The following RP2 variants were observed in gnomAD, a reference collection of about 807,000 sequenced individuals.
RP2 encodes protein XRP2.
In RP2, 3 loss-of-function variants were observed where a neutral mutation model predicts 20.3. The observed-to-expected ratio is 0.15, with a 90% CI of 0.07 to 0.38. The LOEUF (loss-of-function observed/expected upper bound fraction) is 0.38, where lower values mean the gene tolerates loss of function less well. RP2 is among the 10% of genes least tolerant of loss of function. The pLI, the probability that RP2 is intolerant of heterozygous loss-of-function variation, is 1.00. For synonymous variants in RP2, 75 were observed against 94.8 expected, an observed-to-expected ratio of 0.79 and a Z score of 1.22; for missense variants, 233 against 268.5, an observed-to-expected ratio of 0.87 and a Z score of 0.92.
At chrX:46,839,434 C>A (rs1924573659) in intron 1 of RP2, among the ~76,000 whole-genome samples, 1 of 110,268 alleles carries the variant, frequency 9.1e-6, no homozygotes, top group African/African-American at 3.3e-5. Flanking sequence ...CACCTGTAGT[C>A]CCAGCTACTC....
intron 1 of RP2, among the ~76,000 whole-genome samples, chrX:46,846,329 T>A (rs1179900220): frequency 1.8e-5 from 2 of 111,667 alleles, no homozygotes; most frequent in Non-Finnish European, 3.8e-5. Context: ...GGCTCACACC[T>A]GTAATCACAG....
chrX:46,862,144 C>T (rs782707577), intron 3 of RP2, among the ~76,000 whole-genome samples: 14 of 111,536 alleles, frequency 1.3e-4, no homozygotes, highest in Admixed American at 5.7e-4. Flanking sequence ...GAGGCTGAGG[C>T]GGGTAGATCA....
chrX:46,840,038 C>T (rs1227623942), intron 1 of RP2, among the ~76,000 whole-genome samples: 1 of 111,980 alleles, frequency 8.9e-6, no homozygotes, highest in African/African-American at 3.2e-5. Context: ...AATGCAGTGG[C>T]GCGATCTCGG....
In RP2 at chrX:46,879,902, T is replaced by C. The variant is rs1169072596; in HGVS notation, c.*133T>C. 2.5e-6 allele frequency: 1 copy of C among 399,292 alleles called. No homozygotes were observed. Among genetic ancestry groups the C allele is most frequent in the Non-Finnish European group, 4.4e-6 (1 of 227,677 alleles). The allele number at this position is 399,292 out of a possible 1,213,427, so 32.9% of individuals were successfully genotyped here. On this transcript the variant is annotated 3_prime_UTR_variant, in exon 5 of 5. Coordinates refer to ENST00000218340, the MANE Select transcript of RP2 (RefSeq NM_006915.3). ...CTTTTAAAGTTTATTTTTTAATAAA[T>C]TGTTGAGTATTACATCATTTACTTG...
chrX:46,876,191 C>T (rs1925372023), intron 3 of RP2, among the ~76,000 whole-genome samples: 1 of 110,436 alleles, frequency 9.1e-6, no homozygotes, highest in Non-Finnish European at 1.9e-5. Context: ...TTGATCATGG[C>T]TTGCTATAAC....
rs1925457566 is a variant in RP2, at chrX:46,880,897, T to A, written c.*1128T>A. On this transcript the variant is annotated 3_prime_UTR_variant, in exon 5 of 5. Coordinates refer to ENST00000218340, the MANE Select transcript of RP2 (RefSeq NM_006915.3). ...CTCTGTTTTAAGGGGTATGTTGTAA[T>A]CTAAAGTAATTGGTTCAGGAGGTGT... 9.0e-6 allele frequency: 1 copy of A among 111,598 alleles called. No individual in the cohort carries two copies. Among genetic ancestry groups the A allele is most frequent in the Admixed American group, 9.6e-5 (1 of 10,434 alleles). 9.2% of individuals were successfully genotyped at this position (111,598 alleles called of 1,213,427 possible).
chrX:46,847,562 A>G (rs1489517908), intron 1 of RP2, among the ~76,000 whole-genome samples: 1 of 106,491 alleles, frequency 9.4e-6, no homozygotes, highest in Non-Finnish European at 1.9e-5. Flanking sequence ...CACCATATAT[A>G]TGTGTGTATA....
intron 1 of RP2, among the ~76,000 whole-genome samples, chrX:46,850,851 T>C (rs1230734293): frequency 8.9e-6 from 1 of 112,078 alleles, no homozygotes; most frequent in Non-Finnish European, 1.9e-5. Context: ...GCTGGTCCTA[T>C]TCATTTTAGT....
At chrX:46,847,353 A>G (rs1304303585) in intron 1 of RP2, among the ~76,000 whole-genome samples, 7 of 110,812 alleles carry the variant, frequency 6.3e-5, no homozygotes, top group Non-Finnish European at 1.3e-4. Context: ...TTGAAGAGCA[A>G]ACATTTTCAA....
intron 1 of RP2, among the ~76,000 whole-genome samples, chrX:46,847,929 C>CATATATATATAT (rs10533014): frequency 3.6e-5 from 3 of 82,374 alleles, no homozygotes; most frequent in African/African-American, 1.3e-4. Context: ...TGTGTATATA[C>CATATATATATAT]ATATATATAT....
At chrX:46,873,601 C>T (rs1556327191) in intron 3 of RP2, among the ~76,000 whole-genome samples, 32 of 111,145 alleles carry the variant, frequency 2.9e-4, no homozygotes, top group Non-Finnish European at 5.5e-4. Flanking sequence ...GAAAAGAATG[C>T]ATAAACAAAG....
chrX:46,873,214 C>A (rs1226048588), intron 3 of RP2, among the ~76,000 whole-genome samples: 1 of 111,518 alleles, frequency 9.0e-6, no homozygotes, highest in Non-Finnish European at 1.9e-5. Flanking sequence ...CTAATTGAGA[C>A]ATAGTGGCTT....
chrX:46,876,587 T>G (rs1431429118), intron 3 of RP2, among the ~76,000 whole-genome samples: 1 of 111,460 alleles, frequency 9.0e-6, no homozygotes, highest in African/African-American at 3.3e-5. Flanking sequence ...TCCTGCCTTT[T>G]CTGTATTTGT....
chrX:46,876,902 T>C (rs1258911522), intron 3 of RP2, among the ~76,000 whole-genome samples: 1 of 112,514 alleles, frequency 8.9e-6, no homozygotes, highest in Non-Finnish European at 1.9e-5. Context: ...AATTAATGTA[T>C]GAGAAAGGAG....
At chrX:46,846,662 C>G (rs1359379922) in intron 1 of RP2, among the ~76,000 whole-genome samples, 1 of 111,862 alleles carries the variant, frequency 8.9e-6, no homozygotes, top group Non-Finnish European at 1.9e-5. Flanking sequence ...GCCATTTTGC[C>G]TACCAGCAGT....
At chrX:46,864,073 A>G (rs1556321404) in intron 3 of RP2, among the ~76,000 whole-genome samples, 1 of 110,875 alleles carries the variant, frequency 9.0e-6, no homozygotes, top group African/African-American at 3.3e-5. Flanking sequence ...GCACTTTGGG[A>G]GGCTGAGGCA....
intron 3 of RP2, among the ~76,000 whole-genome samples, chrX:46,869,533 C>T (rs1218156065): frequency 9.7e-6 from 1 of 103,088 alleles, no homozygotes; most frequent in African/African-American, 3.6e-5. Flanking sequence ...CCGCCCACCT[C>T]GGCCTCCCAA....
chrX:46,860,583 G>A (rs1925045207), intron 3 of RP2, among the ~76,000 whole-genome samples: 1 of 112,021 alleles, frequency 8.9e-6, no homozygotes, highest in African/African-American at 3.2e-5. Context: ...TTTCCCTAGT[G>A]GGTAAATGCC....
At chrX:46,879,579 C>A in intron 4 of RP2, 107 bp from the exon 5 acceptor site, 1 of 482,873 alleles carries the variant, frequency 2.1e-6, no homozygotes. Flanking sequence ...TGTACTTGAA[C>A]TTCTTTTGAA....
Sources: allele counts gnomAD v4.1 joint callset (sites outside exome capture counted in the v4.1 genomes callset), GRCh38; gene constraint gnomAD v4.1.1; transcripts MANE v1.5; gene names NCBI Gene and HGNC (gene_info 2026-07-23, HGNC 2026-07-21).